GUCY1A2: variants seen among roughly 807,000 people sequenced by gnomAD.
GUCY1A2 encodes the protein guanylate cyclase soluble subunit alpha-2.
Under a neutral mutation model 63.5 loss-of-function variants are expected in GUCY1A2, and 27 were observed. The observed-to-expected ratio is 0.43, with a 90% confidence interval of 0.31 to 0.59. The LOEUF (loss-of-function observed/expected upper bound fraction) is 0.59. Among genes scored for constraint, GUCY1A2 ranks in the 20% least tolerant of loss-of-function variants. The pLI is 0.11. For synonymous variants in GUCY1A2, 364 were observed against 343.5 expected (o/e 1.06, Z -0.66); for missense variants, 768 against 913.3 (o/e 0.84, Z 2.05).
chr11:107,015,941 A>G (rs1015164757), intron 1 of GUCY1A2, among the ~76,000 whole-genome samples: 1 of 152,238 alleles, frequency 6.6e-6, no homozygotes, highest in Non-Finnish European at 1.5e-5. Flanking sequence ...ATACACAAGA[A>G]TAGGAAGATG....
At chr11:106,919,134 C>A (rs1278448234) in intron 4 of GUCY1A2, among the ~76,000 whole-genome samples, 5 of 151,982 alleles carry the variant, frequency 3.3e-5, no homozygotes, top group African/African-American at 1.2e-4. Flanking sequence ...AATCACCGGA[C>A]AAAAAACAAG....
At chr11:106,966,399 C>T (rs144961526) in intron 3 of GUCY1A2, among the ~76,000 whole-genome samples, 194 of 152,242 alleles carry the variant, frequency 1.3e-3, no homozygotes, top group African/African-American at 3.3e-3. Flanking sequence ...TGAGCCACCG[C>T]GCCCGGCCCC....
intron 6 of GUCY1A2, among the ~76,000 whole-genome samples, chr11:106,774,077 G>T (rs1941823): frequency 0.95 from 145,084 of 152,296 alleles, 69,176 homozygotes; most frequent in East Asian, 1. Flanking sequence ...GAATAGCCAA[G>T]AGTCCCCCAA....
intron 4 of GUCY1A2, among the ~76,000 whole-genome samples, chr11:106,927,385 A>G (rs1357020429): frequency 6.6e-6 from 1 of 151,878 alleles, no homozygotes; most frequent in African/African-American, 2.4e-5. Context: ...AAAAAAAATC[A>G]AGATTATAGA....
intron 3 of GUCY1A2, among the ~76,000 whole-genome samples, chr11:106,967,906 G>T (rs777359250): frequency 6.6e-6 from 1 of 152,204 alleles, no homozygotes; most frequent in Non-Finnish European, 1.5e-5. Flanking sequence ...ACCAGTTCCT[G>T]TGTGGGATTC....
At chr11:107,011,061 T>C (rs1861737025) in intron 1 of GUCY1A2, among the ~76,000 whole-genome samples, 1 of 152,130 alleles carries the variant, frequency 6.6e-6, no homozygotes, top group African/African-American at 2.4e-5. Flanking sequence ...AACCATACTA[T>C]GCTAAACACA....
intron 4 of GUCY1A2, among the ~76,000 whole-genome samples, chr11:106,928,998 CATGTT>C (rs1397012228): frequency 6.6e-6 from 1 of 152,160 alleles, no homozygotes; most frequent in Non-Finnish European, 1.5e-5. Flanking sequence ...GGTTCTGAAT[CATGTT>C]ATAAGTACAA....
chr11:106,768,742 G>A (rs1199631928), intron 6 of GUCY1A2, among the ~76,000 whole-genome samples: 2 of 152,298 alleles, frequency 1.3e-5, no homozygotes, highest in South Asian at 2.1e-4. Flanking sequence ...AACCTGAGAA[G>A]TGAAAAGTAA....
chr11:106,901,805 C>T (rs1011893067), intron 4 of GUCY1A2, among the ~76,000 whole-genome samples: 2 of 152,062 alleles, frequency 1.3e-5, no homozygotes, highest in Admixed American at 6.5e-5. Context: ...GTCCCTACAA[C>T]GGACATGAAC....
chr11:106,707,320 A>C, intron 7 of GUCY1A2, among the ~76,000 whole-genome samples: 1 of 152,102 alleles, frequency 6.6e-6, no homozygotes, highest in South Asian at 2.1e-4. Flanking sequence ...TGGTATCAAA[A>C]GTTTGAAAAT....
At chr11:106,847,361 GATA>G (rs1409483724) in intron 4 of GUCY1A2, among the ~76,000 whole-genome samples, 4 of 151,204 alleles carry the variant, frequency 2.6e-5, no homozygotes, top group South Asian at 2.1e-4. Flanking sequence ...AAATGAAGAT[GATA>G]ATAATACCTT....
intron 1 of GUCY1A2, among the ~76,000 whole-genome samples, chr11:107,012,542 A>G (rs1390030046): frequency 6.6e-6 from 1 of 152,170 alleles, no homozygotes; most frequent in African/African-American, 2.4e-5. Flanking sequence ...AGAAGATAAG[A>G]GTTAGCTTTC....
intron 6 of GUCY1A2, among the ~76,000 whole-genome samples, chr11:106,732,765 C>A (rs1264850150): frequency 6.6e-6 from 1 of 152,108 alleles, no homozygotes; most frequent in African/African-American, 2.4e-5. Context: ...ATGATTGACT[C>A]ATTTGTGAAC....
intron 6 of GUCY1A2, among the ~76,000 whole-genome samples, chr11:106,746,910 A>G (rs532654137): frequency 7.9e-5 from 12 of 152,294 alleles, no homozygotes; most frequent in Non-Finnish European, 1.6e-4. Context: ...AAAAAATGGC[A>G]CGCTGGGCAA....
intron 7 of GUCY1A2, among the ~76,000 whole-genome samples, chr11:106,702,335 C>G (rs1447686566): frequency 1.3e-5 from 2 of 152,108 alleles, no homozygotes; most frequent in Non-Finnish European, 2.9e-5. Context: ...GTATCAAACT[C>G]TTGCACAAAA....
chr11:106,674,026 T>C lies in GUCY1A2; in HGVS notation c.*13523A>G, dbSNP rs1164927480. 1.2e-5 allele frequency: 2 copies of C among 173,254 alleles called. No individual in the cohort carries two copies. Among genetic ancestry groups the C allele is most frequent in the African/African-American group, 4.7e-5 (2 of 42,164 alleles). 10.7% of individuals were successfully genotyped at this position (173,254 alleles called of 1,614,324 possible). A position where few individuals can be genotyped will look rare whatever the true frequency, so the allele number is the denominator to read the frequency against. On this transcript the variant is annotated 3_prime_UTR_variant, in exon 8 of 8. Transcript: ENST00000526355. ...CTAAAAGAATGTTCAGACTCCTTTT[T>C]GGTATTATTTATTGATTTAAATATT...
intron 7 of GUCY1A2, among the ~76,000 whole-genome samples, chr11:106,704,539 G>A (rs530597600): frequency 3.6e-4 from 55 of 152,280 alleles, no homozygotes; most frequent in Admixed American, 1.5e-3. Flanking sequence ...TTAGGAAGAA[G>A]CTTGGTTTTA....
rs977257012 is a variant in GUCY1A2 at position 106,683,034 on chromosome 11, A to C, written c.*4515T>G. ...GAGGTCAACTTACCCATTTAACAAT[A>C]AATTTTGTTCAATCACATGAACACA... On this transcript the variant is annotated 3_prime_UTR_variant, in exon 8 of 8. Transcript: ENST00000526355. The C allele has an allele frequency of 1.8e-5, 4 of 217,524 alleles. No homozygotes were observed. Among genetic ancestry groups the C allele is most frequent in the African/African-American group, 9.0e-5 (4 of 44,420 alleles). 13.5% of individuals were successfully genotyped at this position (217,524 alleles called of 1,614,324 possible).
intron 3 of GUCY1A2, among the ~76,000 whole-genome samples, chr11:106,972,605 T>G (rs1017015809): frequency 1.3e-5 from 2 of 152,070 alleles, no homozygotes; most frequent in Non-Finnish European, 2.9e-5. Flanking sequence ...AAAGAAAAGC[T>G]ATGTCTGGAG....
Sources: allele counts gnomAD v4.1 joint callset (sites outside exome capture counted in the v4.1 genomes callset), GRCh38; gene constraint gnomAD v4.1.1; transcripts MANE v1.5; gene names NCBI Gene and HGNC (gene_info 2026-07-23, HGNC 2026-07-21).